The following EPHB4 variants were observed in gnomAD, a reference collection of about 807,000 sequenced individuals.
The protein encoded by EPHB4 is EPH receptor B4, also known as ephrin type-B receptor 4.
Under a neutral mutation model 110.6 loss-of-function variants are expected in EPHB4, and 50 were observed. The ratio of observed to expected loss-of-function variants is 0.45; its 90% CI spans 0.36 to 0.57. EPHB4 has a LOEUF of 0.57. Among genes scored for constraint, EPHB4 ranks in the 20% least tolerant of loss-of-function variants. EPHB4 has a pLI of 0.00. For synonymous variants in EPHB4, 592 were observed against 578.4 expected (o/e 1.02, Z -0.34); for missense variants, 1,128 against 1,382.1 (o/e 0.82, Z 2.91).
At chr7:100,817,143 C>T in intron 8 of EPHB4, 49 bp downstream of exon 8, 1 of 1,331,300 alleles carries the variant, frequency 7.5e-7, no homozygotes. Flanking sequence ...TTCCCAGGAA[C>T]TTTGGGGGTC....
chr7:100,820,506 G>T, intron 4 of EPHB4: 1 of 479,956 alleles, frequency 2.1e-6, no homozygotes, highest in Non-Finnish European at 3.5e-6. Context: ...TAAGGCTGAT[G>T]AAGTGCTAAG....
rs1328472536 is a variant in EPHB4, at chr7:100,819,799, C to T, written c.1055G>A (p.Arg352Gln). ...EWSAPLESGG[R>Q]EDLTYALRCR... is the part of the protein sequence containing the mutation. ...GCGGAGGGCGTAGGTGAGGTCCTCT[C>T]GGCCACCAGACTCCAGGGGGGCACT... Residue 352 changes from arginine to glutamine, a missense_variant, in exon 6 of 17, where the codon CGA becomes CAA. This residue lies in a region of EPHB4 where 728 missense variants were observed against 828.6 expected (regional missense o/e 0.88). Coordinates refer to ENST00000358173, the MANE Select transcript of EPHB4 (RefSeq NM_004444.5). 6.4e-7 allele frequency: 1 copy of T among 1,568,810 alleles called. No homozygotes were observed. The highest frequency in any genetic ancestry group is 8.6e-7 in the Non-Finnish European group (1 of 1,157,398).
intron 12 of EPHB4, among the ~76,000 whole-genome samples, chr7:100,808,296 G>A (rs903893934): frequency 7.2e-5 from 11 of 152,068 alleles, no homozygotes; most frequent in African/African-American, 1.7e-4. Flanking sequence ...ATGGTTCACC[G>A]CAGCCTTAAA....
Position 100,822,611 on chromosome 7 carries a change from G to A in EPHB4, c.468C>T (p.Thr156=), listed in dbSNP as rs536233149. Residue 156 remains threonine (T), a synonymous_variant, in exon 4 of 17, where the codon ACC becomes ACT. Transcript: ENST00000358173. The surrounding 1 kb of genome is among the most constrained non-coding windows in gnomAD (Gnocchi z 4.7). ...LTRKRPGAEA[T]GKVNVKTLRL... ...GCAGCGTCTTGACATTCACCTTCCC[G>A]GTGGCCTCGGCCCCAGGGCGCTTCC... 57 of 1,604,428 alleles carry A rather than the reference G, an allele frequency of 3.6e-5. No homozygotes were observed. In the East Asian group the frequency reaches 3.6e-4, roughly 10 times the overall value.
rs138234752 is a variant in EPHB4, at chr7:100,818,585, C to T, written c.1357G>A (p.Ala453Thr). Residue 453 changes from alanine (A) to threonine (T), a missense_variant, in exon 7 of 17, where the codon GCC becomes ACC. Physicochemically the swap from Ala to Thr is moderately conservative, Grantham distance 58 (BLOSUM62 0). Transcript: ENST00000358173. ...CTGGGTGCCCGGGGAACAGCCCAGG[C>T]CAGGCTCAAGCTGCTGGGTGAGGAC... ...TRSSPSSLSL[A>T]WAVPRAPSGA... The T allele has an allele frequency of 3.2e-5, 52 of 1,613,636 alleles. No individual in the cohort carries two copies. The highest frequency in any genetic ancestry group is 4.2e-5 in the Non-Finnish European group (49 of 1,180,028).
At chr7:100,805,864 GC>G in intron 14 of EPHB4, 170 bp from the exon 15 acceptor site, 1 of 561,342 alleles carries the variant, frequency 1.8e-6, no homozygotes, top group Non-Finnish European at 2.8e-6. Flanking sequence ...GTGGCTGAAG[GC>G]CCCAGCAGCT....
At position 100,817,354 on chromosome 7, in the gene EPHB4, C is replaced by T. The variant is rs914104459; in HGVS notation, c.1426G>A (p.Ala476Thr). 12 of 1,565,186 alleles carry T rather than the reference C, an allele frequency of 7.7e-6. No homozygotes were observed. Among genetic ancestry groups the T allele is most frequent in the South Asian group, 5.9e-5 (5 of 85,130 alleles). Reference protein sequence around the residue: ...DYEVKYHEKGAEGPSSVRFLK... With the variant: ...DYEVKYHEKGTEGPSSVRFLK... Reference sequence around the variant, plus strand: ...AACCGCACGCTGCTGGGACCCTCGGCGCCCTGTCCGGGAGAGGTAGTGGGG... The same window carrying T: ...AACCGCACGCTGCTGGGACCCTCGGTGCCCTGTCCGGGAGAGGTAGTGGGG... The change falls in exon 8 of 17, where the codon GCC becomes ACC. Residue 476 changes from alanine to threonine, a missense_variant. By Grantham distance (58) the Ala-to-Thr change is moderately conservative. Transcript: ENST00000358173.
In EPHB4 at chr7:100,805,429, A is replaced by G. The variant is rs963140770; in HGVS notation, c.2678+72T>C. On this transcript the variant is annotated intron_variant, in intron 15 of 16. Transcript: ENST00000358173. Reference sequence around the variant, plus strand: ...ACAGAGGCCCTCCCACCCAACACCAATGAACGGACACTTCTGGGCAAGGAG... The same window carrying G: ...ACAGAGGCCCTCCCACCCAACACCAGTGAACGGACACTTCTGGGCAAGGAG... The G allele has an allele frequency of 3.2e-5, 50 of 1,564,020 alleles. 2 individuals carry two copies. In the South Asian group the frequency reaches 3.6e-4, roughly 11 times the overall value.
Position 100,818,526 on chromosome 7 carries a change from A to T in EPHB4, c.1416T>A (p.His472Gln). The T allele has an allele frequency of 6.2e-7, 1 of 1,613,216 alleles. No homozygotes were observed. The highest frequency in any genetic ancestry group is 1.3e-5 in the African/African-American group (1 of 74,966). The change falls in exon 7 of 17, where the codon CAT (histidine) becomes CAA (glutamine). Residue 472 changes from histidine to glutamine, a missense_variant. Physicochemically the swap from His to Gln is conservative, Grantham distance 24. Coordinates refer to ENST00000358173, the MANE Select transcript of EPHB4 (RefSeq NM_004444.5). The stretch of plus-strand genomic sequence containing the variant: ...GGCTGGGGGATGGCCTTACCTTCTC[A>T]TGGTATTTGACCTCGTAGTCCAGCA... ...GAVLDYEVKY[H>Q]EKGAEGPSSV...
At position 100,805,536 on chromosome 7, in the gene EPHB4, G is replaced by T. The variant is rs759414784; in HGVS notation, c.2643C>A (p.Pro881=). Residue 881 remains proline, a synonymous_variant, in exon 15 of 17, where the codon CCC becomes CCA. Coordinates refer to ENST00000358173, the MANE Select transcript of EPHB4 (RefSeq NM_004444.5). ...CCCGGGCCACGATTTTGAGGCTGGCGGGGTTCCGGATCATCTTGTCCAGGG... is the reference window on the plus strand; with the variant it reads ...CCCGGGCCACGATTTTGAGGCTGGCTGGGTTCCGGATCATCTTGTCCAGGG... ...VSALDKMIRN[P]ASLKIVAREN... 2.6e-6 allele frequency: 4 copies of T among 1,526,140 alleles called. No individual in the cohort carries two copies. Among genetic ancestry groups the T allele is most frequent in the Non-Finnish European group, 3.5e-6 (4 of 1,137,396 alleles). The allele number at this position is 1,526,140 out of a possible 1,614,324, so 94.5% of individuals were successfully genotyped here.
At chr7:100,816,138 C>T (rs1390796203) in intron 8 of EPHB4, among the ~76,000 whole-genome samples, 1 of 151,450 alleles carries the variant, frequency 6.6e-6, no homozygotes, top group East Asian at 2.0e-4. Flanking sequence ...CGCACTCCAG[C>T]CTGGGCAACA....
chr7:100,804,291 AC>A (rs909934425), intron 16 of EPHB4, among the ~76,000 whole-genome samples: 1 of 136,332 alleles, frequency 7.3e-6, no homozygotes, highest in Non-Finnish European at 1.6e-5. Context: ...GTGAGCCACC[AC>A]CTGGCCTTCA....
chr7:100,809,047 C>G (rs977073177), intron 12 of EPHB4, among the ~76,000 whole-genome samples: 2 of 152,206 alleles, frequency 1.3e-5, no homozygotes, highest in African/African-American at 4.8e-5. Context: ...CAACAGGCTT[C>G]TGCTGCAGGC....
Position 100,820,241 on chromosome 7 carries a change from G to A in EPHB4, c.864C>T (p.Cys288=), listed in dbSNP as rs1813190116. ...PLSGEGSCQP[C]PANSHSNTIG... is the part of the protein sequence containing the mutation. The stretch of plus-strand genomic sequence containing the variant: ...TGGTGTTAGAGTGGCTATTGGCTGG[G>A]CATGGCTGGCAGGACCCTTCTCCTG... The change falls in exon 5 of 17, where the codon TGC becomes TGT. Residue 288 remains cysteine, a synonymous_variant. Transcript: ENST00000358173. 1 of 1,614,062 alleles carries A rather than the reference G, an allele frequency of 6.2e-7. No individual in the cohort carries two copies. Among genetic ancestry groups the A allele is most frequent in the Non-Finnish European group, 8.5e-7 (1 of 1,180,000 alleles).
chr7:100,812,296 A>C (rs945469961), intron 12 of EPHB4, among the ~76,000 whole-genome samples: 30 of 151,968 alleles, frequency 2.0e-4, no homozygotes, highest in African/African-American at 6.8e-4. Context: ...GGAAAATTAA[A>C]GGCAGAGGGC....
intron 1 of EPHB4, 127 bp from the exon 2 acceptor site, chr7:100,824,400 G>GGGGA: frequency 1.0e-6 from 1 of 994,534 alleles, no homozygotes; most frequent in East Asian, 2.4e-5. Context: ...GGGGCCAAGA[G>GGGGA]GGGAGCAAGC....
intron 13 of EPHB4, among the ~76,000 whole-genome samples, chr7:100,806,776 T>C (rs906081924): frequency 6.6e-6 from 1 of 152,168 alleles, no homozygotes; most frequent in African/African-American, 2.4e-5. Flanking sequence ...GTTCAACTGG[T>C]TCTCCTACCT....
At position 100,823,812 on chromosome 7, in the gene EPHB4, C is replaced by G; in HGVS notation, c.243G>C (p.Arg81=). The G allele has an allele frequency of 1.2e-6, 2 of 1,613,278 alleles. No homozygotes were observed. The highest frequency in any genetic ancestry group is 1.3e-5 in the African/African-American group (1 of 75,066). ...GCGTGGCGTACACGTGGACGGCGCC[C>G]CGCCGTGGGACCCAACCTGTGCGAA... The part of the protein sequence containing the change: ...HWLRTGWVPR[R]GAVHVYATLR... The change falls in exon 3 of 17, where the codon CGG becomes CGC. Residue 81 remains arginine (R), a synonymous_variant. Transcript: ENST00000358173.
chr7:100,803,874 G>A (rs1272322863), intron 16 of EPHB4, among the ~76,000 whole-genome samples: 1 of 152,194 alleles, frequency 6.6e-6, no homozygotes, highest in African/African-American at 2.4e-5. Flanking sequence ...AAATGAGACT[G>A]GGGGAAGAGG....
Sources: gnomAD v4.1 joint callset for allele counts (sites outside exome capture counted in the v4.1 genomes callset) on GRCh38, gnomAD v4.1.1 for gene constraint, gnomAD v4.1.1 regional missense constraint, Gnocchi (gnomAD v3.1) non-coding constraint, MANE v1.5 for transcripts, NCBI Gene and HGNC (gene_info 2026-07-23, HGNC 2026-07-21) for gene names.